The following PTPRK variants were observed in gnomAD, a reference collection of about 807,000 sequenced individuals.
PTPRK encodes protein tyrosine phosphatase receptor type K.
Under a neutral mutation model 178.0 loss-of-function variants are expected in PTPRK, and 75 were observed. The ratio of observed to expected loss-of-function variants is 0.42; its 90% CI spans 0.35 to 0.51. PTPRK has a LOEUF of 0.51. Ranked by LOEUF, PTPRK falls within the 20% of genes least tolerant of loss-of-function variation. The pLI, the probability that PTPRK is intolerant of heterozygous loss-of-function variation, is 0.02. For synonymous variants in PTPRK, 637 were observed against 620.6 expected (o/e 1.03, Z -0.39); for missense variants, 1,441 against 1,797.8 (o/e 0.80, Z 3.59).
intron 29 of PTPRK, among the ~76,000 whole-genome samples, chr6:127,971,950 C>A (rs764325884): frequency 6.6e-6 from 1 of 152,138 alleles, no homozygotes; most frequent in Non-Finnish European, 1.5e-5. Flanking sequence ...ATTCATCCCC[C>A]CTTTCTCATC....
At chr6:128,190,013 C>T (rs1347922343) in intron 6 of PTPRK, among the ~76,000 whole-genome samples, 1 of 152,102 alleles carries the variant, frequency 6.6e-6, no homozygotes, top group East Asian at 1.9e-4. Flanking sequence ...CTTAATATTA[C>T]TGATGAATAG....
At chr6:128,016,665 C>CT (rs11321458) in intron 13 of PTPRK, among the ~76,000 whole-genome samples, 5 of 151,142 alleles carry the variant, frequency 3.3e-5, no homozygotes, top group Non-Finnish European at 5.9e-5. Context: ...ATATATCAAT[C>CT]TTTTTTTTTA....
chr6:128,437,115 T>C (rs1285421740), intron 1 of PTPRK, among the ~76,000 whole-genome samples: 3 of 152,192 alleles, frequency 2.0e-5, no homozygotes, highest in Non-Finnish European at 4.4e-5. Flanking sequence ...TCAGCACTCT[T>C]GGTCACAAGA....
intron 2 of PTPRK, among the ~76,000 whole-genome samples, chr6:128,380,932 CTGTT>C (rs1417588163): frequency 1.3e-5 from 2 of 152,140 alleles, no homozygotes; most frequent in Non-Finnish European, 2.9e-5. Flanking sequence ...AAACCAAAAT[CTGTT>C]TGTGCAACAG....
chr6:128,308,082 T>C (rs1300203132), intron 3 of PTPRK, among the ~76,000 whole-genome samples: 1 of 151,890 alleles, frequency 6.6e-6, no homozygotes, highest in Non-Finnish European at 1.5e-5. Flanking sequence ...TAGAATGCTA[T>C]ACAACACTGA....
chr6:128,114,749 A>G lies in PTPRK; in HGVS notation c.1163-24757T>C, dbSNP rs947257622. On this transcript the variant is annotated intron_variant, in intron 7 of 29. Coordinates refer to ENST00000368226, the MANE Select transcript of PTPRK (RefSeq NM_002844.4). ...CAACTTATGTGGATTATGATTCAAG[A>G]TGAGATTTGGGTGGGGACACAGAGC... 5.3e-5 allele frequency among the ~76,000 whole-genome samples: 8 copies of G among 151,558 alleles called. 2 individuals are homozygous for G. Among genetic ancestry groups the G allele is most frequent in the Admixed American group, 5.3e-4 (8 of 15,202 alleles).
chr6:128,419,574 A>C (rs1206681720), intron 1 of PTPRK, among the ~76,000 whole-genome samples: 35 of 151,712 alleles, frequency 2.3e-4, no homozygotes, highest in Non-Finnish European at 1.5e-5. Context: ...GCGCCACTGC[A>C]CCACTCCAGC....
At chr6:128,447,570 T>G (rs534222844) in intron 1 of PTPRK, among the ~76,000 whole-genome samples, 1 of 151,820 alleles carries the variant, frequency 6.6e-6, no homozygotes, top group African/African-American at 2.4e-5. Context: ...CTATTATGAG[T>G]GCTTAAAGTA....
chr6:128,477,813 TA>T (rs1851558557), intron 1 of PTPRK, among the ~76,000 whole-genome samples: 1 of 152,110 alleles, frequency 6.6e-6, no homozygotes, highest in South Asian at 2.1e-4. Context: ...AACCTGATTT[TA>T]AAAAGATCAT....
At position 128,066,130 on chromosome 6, in the gene PTPRK, C is replaced by T. The variant is rs185280988; in HGVS notation, c.2158-1336G>A. Among the ~76,000 whole-genome samples, 43 of 152,306 alleles carry T rather than the reference C, an allele frequency of 2.8e-4. 1 individual carries two copies. Among genetic ancestry groups the T allele is most frequent in the Admixed American group, 2.7e-3 (41 of 15,272 alleles). On this transcript the variant is annotated intron_variant, in intron 12 of 29. Transcript: ENST00000368226. ...GAACCTCTCTAAAGATCAAAACCCT[C>T]ACACAAAACTATGCTTCCTACTCAA... is the stretch of plus-strand genomic sequence containing the variant.
At chr6:128,029,587 T>C (rs1774923503) in intron 13 of PTPRK, among the ~76,000 whole-genome samples, 1 of 150,870 alleles carries the variant, frequency 6.6e-6, no homozygotes, top group Non-Finnish European at 1.5e-5. Context: ...GAAGCAGAGG[T>C]TGTAGTGCCA....
At chr6:128,017,099 G>C (rs1779671574) in intron 13 of PTPRK, among the ~76,000 whole-genome samples, 1 of 151,752 alleles carries the variant, frequency 6.6e-6, no homozygotes, top group Non-Finnish European at 1.5e-5. Context: ...TTAAATTCTA[G>C]CTAATAAATT....
Position 128,464,674 on chromosome 6 carries a change from T to TATATATATAC in PTPRK, c.100+55584_100+55585insGTATATATAT, listed in dbSNP as rs1407701569. On this transcript the variant is annotated intron_variant, in intron 1 of 29. Coordinates refer to ENST00000368226, the MANE Select transcript of PTPRK (RefSeq NM_002844.4). ...ATATATATATATATATATATATATA[T>TATATATATAC]ACAACAGATGGTCACACAACAGCTC... Among the ~76,000 whole-genome samples, 408 of 124,700 alleles carry TATATATATAC rather than the reference T, an allele frequency of 3.3e-3. 5 individuals are homozygous for TATATATATAC. Among genetic ancestry groups the TATATATATAC allele is most frequent in the African/African-American group, 8.1e-3 (262 of 32,342 alleles). 81.8% of individuals were successfully genotyped at this position (124,700 alleles called of 152,430 possible). A position where few individuals can be genotyped will look rare whatever the true frequency, so the allele number is the denominator to read the frequency against.
intron 6 of PTPRK, among the ~76,000 whole-genome samples, chr6:128,186,005 T>C (rs746429427): frequency 1.3e-5 from 2 of 152,134 alleles, no homozygotes; most frequent in East Asian, 1.9e-4. Flanking sequence ...AGCCTCTGAA[T>C]TACAAATAAC....
intron 13 of PTPRK, among the ~76,000 whole-genome samples, chr6:128,040,311 A>T (rs1776960078): frequency 6.6e-6 from 1 of 152,122 alleles, no homozygotes; most frequent in Non-Finnish European, 1.5e-5. Flanking sequence ...TTTTTTAAAT[A>T]AGAGTCAAAA....
At chr6:128,331,956 G>C (rs1346271663) in intron 2 of PTPRK, among the ~76,000 whole-genome samples, 2 of 151,974 alleles carry the variant, frequency 1.3e-5, no homozygotes, top group African/African-American at 4.8e-5. Context: ...TTTGAAAATA[G>C]AAAAATGTAT....
At chr6:128,329,644 A>G (rs114783391) in intron 2 of PTPRK, among the ~76,000 whole-genome samples, 1,630 of 152,250 alleles carry the variant, frequency 0.011, 30 homozygotes, top group African/African-American at 0.037. Context: ...CAGCTTGTAA[A>G]CAGTCAGACA....
intron 1 of PTPRK, among the ~76,000 whole-genome samples, chr6:128,512,264 ATATTT>A (rs1293878051): frequency 6.6e-6 from 1 of 152,192 alleles, no homozygotes; most frequent in Non-Finnish European, 1.5e-5. Flanking sequence ...AATAAATTAT[ATATTT>A]TATATTTAAG....
intron 1 of PTPRK, among the ~76,000 whole-genome samples, chr6:128,464,206 T>C (rs749970806): frequency 3.3e-5 from 5 of 152,010 alleles, no homozygotes; most frequent in Non-Finnish European, 5.9e-5. Flanking sequence ...AAAAAAAATC[T>C]CTTCATGTAG....
Sources: allele counts gnomAD v4.1 joint callset (sites outside exome capture counted in the v4.1 genomes callset), GRCh38; gene constraint gnomAD v4.1.1; transcripts MANE v1.5; gene names NCBI Gene and HGNC (gene_info 2026-07-23, HGNC 2026-07-21).